Variants in CLNK observed in about 807,000 individuals in gnomAD.
CLNK encodes cytokine dependent hematopoietic cell linker.
A neutral mutation model predicts 68.6 loss-of-function variants in CLNK; 74 were observed. The observed-to-expected ratio is 1.08, with a 90% CI of 0.89 to 1.31. CLNK has a LOEUF of 1.31. Ranked by LOEUF, CLNK falls within the 50% of genes most tolerant of loss-of-function variation. The pLI, the probability that CLNK is intolerant of heterozygous loss-of-function variation, is 0.00. For synonymous variants in CLNK, 198 were observed against 172.2 expected (o/e 1.15, Z -1.17); for missense variants, 553 against 515.3 (o/e 1.07, Z -0.71).
chr4:10,644,472 G>A (rs996183002), intron 2 of CLNK, among the ~76,000 whole-genome samples: 4 of 152,152 alleles, frequency 2.6e-5, no homozygotes, highest in African/African-American at 9.7e-5. Context: ...GAGACACACT[G>A]AGGTTTGGTC....
chr4:10,499,105 T>G (rs1716928649), intron 18 of CLNK, among the ~76,000 whole-genome samples: 1 of 152,102 alleles, frequency 6.6e-6, no homozygotes, highest in South Asian at 2.1e-4. Context: ...GACTAACTTT[T>G]TAGCTCATTA....
Position 10,501,283 on chromosome 4 carries a change from G to C in CLNK, c.1113C>G (p.Ala371=). The C allele has an allele frequency of 6.2e-7, 1 of 1,601,008 alleles. No homozygotes were observed. Among genetic ancestry groups the C allele is most frequent in the Non-Finnish European group, 8.5e-7 (1 of 1,175,796 alleles). ...CATCTCCTCTGAGTCCTGTCCCCAG[G>C]GCAAACTGCTGATTCCTCTCCAGGA... ...IRFLERNQQF[A]LGTGLRGDEK... Residue 371 remains alanine, a synonymous_variant, in exon 18 of 19, where the codon GCC becomes GCG. Coordinates refer to ENST00000226951, the MANE Select transcript of CLNK (RefSeq NM_052964.4).
At chr4:10,520,711 A>T in intron 15 of CLNK, 80 bp downstream of exon 15, 1 of 1,089,288 alleles carries the variant, frequency 9.2e-7, no homozygotes, top group Non-Finnish European at 1.4e-6. Context: ...TCTGGGGTTC[A>T]CAACAGCTAA....
the CLNK span, among the ~76,000 whole-genome samples, chr4:10,702,382 T>C: frequency 2.6e-5 from 4 of 151,946 alleles, no homozygotes; most frequent in African/African-American, 9.7e-5. Context: ...CCAGTTTAGA[T>C]GGGCTGAAGG....
At chr4:10,669,379 A>G (rs534928156) in intron 1 of CLNK, among the ~76,000 whole-genome samples, 16 of 152,340 alleles carry the variant, frequency 1.1e-4, no homozygotes, top group Non-Finnish European at 1.3e-4. Flanking sequence ...GGTGATCTTC[A>G]TAGAGGAGAT....
At chr4:10,545,669 A>G (rs1719198870) in intron 8 of CLNK, among the ~76,000 whole-genome samples, 2 of 152,112 alleles carry the variant, frequency 1.3e-5, no homozygotes, top group Non-Finnish European at 2.9e-5. Flanking sequence ...TCAACACCAC[A>G]TATCTGCTTT....
chr4:10,733,179 G>A, the CLNK span, among the ~76,000 whole-genome samples: 3 of 152,004 alleles, frequency 2.0e-5, no homozygotes, highest in Non-Finnish European at 4.4e-5. Flanking sequence ...CTGTCTTGGG[G>A]GTGCCTCTGC....
chr4:10,632,838 T>A (rs567311533), intron 2 of CLNK, among the ~76,000 whole-genome samples: 3 of 152,234 alleles, frequency 2.0e-5, no homozygotes, highest in African/African-American at 7.2e-5. Context: ...TATTAGGAAC[T>A]AAATACTATT....
chr4:10,565,355 C>G (rs970579173), intron 6 of CLNK, among the ~76,000 whole-genome samples: 2 of 152,192 alleles, frequency 1.3e-5, no homozygotes, highest in African/African-American at 4.8e-5. Context: ...TATAGATTCA[C>G]TTTAGTGGTT....
intron 1 of CLNK, among the ~76,000 whole-genome samples, chr4:10,680,408 C>T (rs1264008851): frequency 6.6e-6 from 1 of 150,540 alleles, no homozygotes; most frequent in African/African-American, 2.4e-5. Flanking sequence ...AGGAGGTATA[C>T]CTAATGCTAA....
intron 2 of CLNK, among the ~76,000 whole-genome samples, chr4:10,639,193 C>T (rs1412685097): frequency 6.6e-6 from 1 of 152,232 alleles, no homozygotes. Context: ...GTTTCAGGCC[C>T]TTTCTTGCAC....
chr4:10,513,223 A>C (rs1717675348), intron 16 of CLNK, among the ~76,000 whole-genome samples: 1 of 151,842 alleles, frequency 6.6e-6, no homozygotes, highest in Non-Finnish European at 1.5e-5. Flanking sequence ...TTAAAAAAAC[A>C]CTTTAGAATC....
the CLNK span, among the ~76,000 whole-genome samples, chr4:10,696,683 C>T: frequency 6.6e-6 from 1 of 152,188 alleles, no homozygotes. Context: ...AGCCGAAAGT[C>T]TTCTCCTCCT....
chr4:10,705,870 T>G, the CLNK span, among the ~76,000 whole-genome samples: 9 of 152,210 alleles, frequency 5.9e-5, no homozygotes, highest in Non-Finnish European at 1.3e-4. Context: ...TCTATCTAAA[T>G]CGGGTAAAGA....
the CLNK span, among the ~76,000 whole-genome samples, chr4:10,730,984 G>A: frequency 1.3e-5 from 2 of 152,178 alleles, no homozygotes; most frequent in African/African-American, 2.4e-5. Context: ...TTAGGTACAC[G>A]TGACATTGTG....
the CLNK span, among the ~76,000 whole-genome samples, chr4:10,715,741 C>G: frequency 6.6e-6 from 1 of 152,142 alleles, no homozygotes; most frequent in Admixed American, 6.5e-5. Context: ...TCAAAATCAC[C>G]TGTGTCAAAA....
At chr4:10,622,404 A>G (rs565411625) in intron 2 of CLNK, among the ~76,000 whole-genome samples, 3 of 152,354 alleles carry the variant, frequency 2.0e-5, no homozygotes, top group Admixed American at 2.0e-4. Context: ...AAGAAATGTC[A>G]TGCTCCTTTG....
chr4:10,499,518 G>A (rs902848383), intron 18 of CLNK, among the ~76,000 whole-genome samples: 1 of 152,178 alleles, frequency 6.6e-6, no homozygotes, highest in Admixed American at 6.5e-5. Flanking sequence ...GAATCTTTAT[G>A]CAGCCTGCGC....
chr4:10,666,235 C>T (rs937417769), intron 2 of CLNK, among the ~76,000 whole-genome samples: 5 of 152,162 alleles, frequency 3.3e-5, no homozygotes, highest in African/African-American at 1.2e-4. Context: ...TGAATAGATT[C>T]CCAGTATTTG....
Sources: gnomAD v4.1 joint callset for allele counts (sites outside exome capture counted in the v4.1 genomes callset) on GRCh38, gnomAD v4.1.1 for gene constraint, MANE v1.5 for transcripts, NCBI Gene and HGNC (gene_info 2026-07-23, HGNC 2026-07-21) for gene names.